The following HMGXB3 variants were observed in gnomAD, a reference collection of about 807,000 sequenced individuals.
The protein encoded by HMGXB3 is HMG domain-containing protein 3.
HMGXB3 carries 45 observed loss-of-function variants against 121.5 expected under a neutral mutation model. That is an observed-to-expected ratio of 0.37 (90% CI 0.29 to 0.47). The LOEUF (loss-of-function observed/expected upper bound fraction) is 0.47, where lower values mean the gene tolerates loss of function less well. Among genes scored for constraint, HMGXB3 ranks in the 20% least tolerant of loss-of-function variants. The pLI is 0.99. For missense variants in HMGXB3, 1,376 were observed against 1,602.2 expected (o/e 0.86, Z 2.41); for synonymous variants, 590 against 624.1 (o/e 0.95, Z 0.81).
Position 150,052,061 on chromosome 5 carries a change from G to C in HMGXB3, c.3748G>C (p.Asp1250His), listed in dbSNP as rs1190414717. ...SREIVNRQIH[D>H]IVQSCQPGEV... is the part of the protein sequence containing the mutation. ...CGAAATTGTCAATCGTCAGATCCAT[G>C]ACATTGTACAGAGCTGCCAGCCTGG... Residue 1250 changes from aspartate (D) to histidine (H), a missense_variant, in exon 20 of 20, where the codon GAC (aspartate) becomes CAC (histidine). By Grantham distance (81) the Asp-to-His change is moderately conservative. Transcript: ENST00000502717. The C allele has an allele frequency of 4.5e-6, 7 of 1,551,828 alleles. No homozygotes were observed. In the Admixed American group the frequency reaches 1.4e-4, roughly 30 times the overall value.
chr5:150,012,268 G>A lies in HMGXB3; in HGVS notation c.824G>A (p.Ser275Asn). The change falls in exon 5 of 20, where the codon AGT (serine) becomes AAT (asparagine). Residue 275 changes from serine to asparagine, a missense_variant. Ser to Asn is a conservative substitution (Grantham distance 46). This residue lies in a region of HMGXB3 where 1,116 missense variants were observed against 1,369.0 expected (regional missense o/e 0.82). Transcript: ENST00000502717. Reference protein sequence around the residue: ...VVTVMRDSSESSSSAPATQFI... With the variant: ...VVTVMRDSSENSSSAPATQFI... ...CATTGCCCATAGGATTCCAGTGAGA[G>A]TAGCTCCTCTGCACCAGCCACACAG... is the stretch of plus-strand genomic sequence containing the variant. 1 of 1,552,096 alleles carries A rather than the reference G, an allele frequency of 6.4e-7. No individual in the cohort carries two copies. Among genetic ancestry groups the A allele is most frequent in the Non-Finnish European group, 8.7e-7 (1 of 1,146,936 alleles).
chr5:150,051,826 C>T lies in HMGXB3; in HGVS notation c.3513C>T (p.Arg1171=), dbSNP rs751460401. 3 of 1,549,866 alleles carry T rather than the reference C, an allele frequency of 1.9e-6. No homozygotes were observed. The highest frequency in any genetic ancestry group is 2.6e-6 in the Non-Finnish European group (3 of 1,147,100). The change falls in exon 20 of 20, where the codon CGC becomes CGT. Residue 1171 remains arginine, a synonymous_variant. Coordinates refer to ENST00000502717, the MANE Select transcript of HMGXB3 (RefSeq NM_014983.3). ...QHPVTKTATR[R]IVHAGLQPNP... ...CAGTCACCAAGACTGCCACGCGGCG[C>T]ATCGTCCATGCAGGCCTACAGCCCA...
At chr5:150,003,037 G>A (rs930256090) in intron 1 of HMGXB3, among the ~76,000 whole-genome samples, 3 of 152,190 alleles carry the variant, frequency 2.0e-5, no homozygotes, top group African/African-American at 7.2e-5. Context: ...CAGCTACTTG[G>A]GAGGCCAAGG....
chr5:150,034,812 A>T (rs116659825), intron 11 of HMGXB3, among the ~76,000 whole-genome samples: 415 of 152,256 alleles, frequency 2.7e-3, no homozygotes, highest in African/African-American at 9.2e-3. Context: ...AGTCCTTTCT[A>T]TCCTTCATCT....
At chr5:150,027,709 C>T (rs1022097345) in intron 9 of HMGXB3, among the ~76,000 whole-genome samples, 3 of 152,152 alleles carry the variant, frequency 2.0e-5, no homozygotes, top group African/African-American at 4.8e-5. Flanking sequence ...CACACCACCA[C>T]GCCCGGCTAA....
At chr5:150,004,359 C>G (rs1394363196) in intron 1 of HMGXB3, among the ~76,000 whole-genome samples, 1 of 152,096 alleles carries the variant, frequency 6.6e-6, no homozygotes, top group Non-Finnish European at 1.5e-5. Context: ...ACATACAGGC[C>G]CTTACTACAT....
intron 12 of HMGXB3, 108 bp downstream of exon 12, chr5:150,037,045 C>T (rs1015438365): frequency 1.3e-4 from 133 of 998,628 alleles, no homozygotes; most frequent in Non-Finnish European, 1.7e-4. Flanking sequence ...TATTCTCTGC[C>T]GTTTTTAGGC....
chr5:150,016,881 G>T (rs969836058), intron 5 of HMGXB3, among the ~76,000 whole-genome samples: 1 of 151,826 alleles, frequency 6.6e-6, no homozygotes, highest in Non-Finnish European at 1.5e-5. Flanking sequence ...ACTTTGTTTT[G>T]GTTATTTTAG....
intron 5 of HMGXB3, among the ~76,000 whole-genome samples, chr5:150,017,741 G>A (rs1581251138): frequency 6.6e-6 from 1 of 152,202 alleles, no homozygotes; most frequent in East Asian, 1.9e-4. Context: ...TAATAGCTGA[G>A]TAAACATTCA....
At chr5:150,049,104 T>C (rs1581268790) in intron 18 of HMGXB3, among the ~76,000 whole-genome samples, 1 of 152,004 alleles carries the variant, frequency 6.6e-6, no homozygotes, top group African/African-American at 2.4e-5. Context: ...ACCTGCAGGA[T>C]AGGGAGGAGC....
At chr5:150,002,823 C>G (rs1303685299) in intron 1 of HMGXB3, among the ~76,000 whole-genome samples, 1 of 151,934 alleles carries the variant, frequency 6.6e-6, no homozygotes, top group Non-Finnish European at 1.5e-5. Flanking sequence ...GTCTCTAGCT[C>G]CTAGCATATG....
In HMGXB3 at chr5:150,052,292, G is replaced by C. The variant is rs898894580; in HGVS notation, c.*100G>C. The C allele has an allele frequency of 1.8e-5, 17 of 946,146 alleles. No homozygotes were observed. The highest frequency in any genetic ancestry group is 1.7e-4 in the South Asian group (10 of 59,890). The allele number at this position is 946,146 out of a possible 1,614,324, so 58.6% of individuals were successfully genotyped here. A position where few individuals can be genotyped will look rare whatever the true frequency, so the allele number is the denominator to read the frequency against. ...GGGACCTGCAGAAGTGGTCTCCTGT[G>C]GGGAGGGCCTCTGACTGCTGGGACT... On this transcript the variant is annotated 3_prime_UTR_variant, in exon 20 of 20. Transcript: ENST00000502717.
rs1159461448 is a variant in HMGXB3 at position 150,027,093 on chromosome 5, G to T, written c.1710G>T (p.Gln570His). 6.4e-7 allele frequency: 1 copy of T among 1,551,650 alleles called. No homozygotes were observed. Among genetic ancestry groups the T allele is most frequent in the East Asian group, 2.4e-5 (1 of 40,928 alleles). The change falls in exon 9 of 20, where the codon CAG becomes CAT. Residue 570 changes from glutamine (Q) to histidine (H), a missense_variant. Gln to His is a conservative substitution (Grantham distance 24). Coordinates refer to ENST00000502717, the MANE Select transcript of HMGXB3 (RefSeq NM_014983.3). ...TLKQLGQPIQQPSGPGEVKLP... is the reference protein window; with the variant it reads ...TLKQLGQPIQHPSGPGEVKLP... ...AGCAGCTGGGCCAGCCCATTCAACAGCCATCTGGCCCTGGTGAGGTGAAGG... is the reference window on the plus strand; with the variant it reads ...AGCAGCTGGGCCAGCCCATTCAACATCCATCTGGCCCTGGTGAGGTGAAGG...
chr5:150,023,960 G>A (rs2113740867), intron 6 of HMGXB3, among the ~76,000 whole-genome samples: 1 of 152,298 alleles, frequency 6.6e-6, no homozygotes, highest in African/African-American at 2.4e-5. Context: ...AAAACTAAAT[G>A]TAAACCTAAA....
intron 5 of HMGXB3, among the ~76,000 whole-genome samples, chr5:150,013,510 C>T (rs191068914): frequency 2.6e-5 from 4 of 152,276 alleles, no homozygotes; most frequent in Admixed American, 2.6e-4. Context: ...CTCAGAATTT[C>T]CTTATACAGT....
At chr5:150,003,744 G>A (rs914604260) in intron 1 of HMGXB3, among the ~76,000 whole-genome samples, 6 of 151,676 alleles carry the variant, frequency 4.0e-5, no homozygotes, top group Non-Finnish European at 7.4e-5. Flanking sequence ...TGGGCAGATC[G>A]CCCGAGTCCA....
chr5:150,003,094 G>C (rs769007405), intron 1 of HMGXB3, among the ~76,000 whole-genome samples: 1 of 152,140 alleles, frequency 6.6e-6, no homozygotes, highest in African/African-American at 2.4e-5. Context: ...AGTGAGACAG[G>C]ATCTCATCAC....
chr5:150,027,244 A>G, intron 9 of HMGXB3, 127 bp downstream of exon 9: 1 of 599,940 alleles, frequency 1.7e-6, no homozygotes, highest in Non-Finnish European at 2.8e-6. Context: ...GGAGGTTAAC[A>G]TGAATGATTT....
Position 150,024,354 on chromosome 5 carries a change from G to C in HMGXB3, c.1134G>C (p.Glu378Asp), listed in dbSNP as rs1234858453. Residue 378 changes from glutamate (E) to aspartate (D), a missense_variant, in exon 7 of 20, where the codon GAG becomes GAC. Glu to Asp is a conservative substitution (Grantham distance 45). This residue lies in a region of HMGXB3 where 1,116 missense variants were observed against 1,369.0 expected (regional missense o/e 0.82). Coordinates refer to ENST00000502717, the MANE Select transcript of HMGXB3 (RefSeq NM_014983.3). ...GAAATCAGCAACCTGTCACCACTGA[G>C]CAAAATTCCTCTAAGGAAAATGCCT... ...VKRNQQPVTT[E>D]QNSSKENASK... The C allele has an allele frequency of 6.4e-7, 1 of 1,551,628 alleles. No individual in the cohort carries two copies. Among genetic ancestry groups the C allele is most frequent in the Non-Finnish European group, 8.7e-7 (1 of 1,147,010 alleles).
Sources: allele counts gnomAD v4.1 joint callset (sites outside exome capture counted in the v4.1 genomes callset), GRCh38; gene constraint gnomAD v4.1.1; regional missense constraint gnomAD v4.1.1; transcripts MANE v1.5; gene names NCBI Gene and HGNC (gene_info 2026-07-23, HGNC 2026-07-21).